Variants in PCDHA12 observed in about 807,000 individuals in gnomAD.
PCDHA12 encodes protocadherin alpha-12.
PCDHA12 carries 44 observed loss-of-function variants against 60.0 expected under a neutral mutation model. That is an observed-to-expected ratio of 0.73 (90% CI 0.58 to 0.94). The LOEUF (loss-of-function observed/expected upper bound fraction) is 0.94, where lower values mean the gene tolerates loss of function less well. Ranked by LOEUF, PCDHA12 falls within the 40% of genes least tolerant of loss-of-function variation. The pLI, the probability that PCDHA12 is intolerant of heterozygous loss-of-function variation, is 0.00. For missense variants in PCDHA12, 1,276 were observed against 1,239.7 expected (o/e 1.03, Z -0.44); for synonymous variants, 569 against 553.0 (o/e 1.03, Z -0.40).
intron 1 of PCDHA12, among the ~76,000 whole-genome samples, chr5:140,913,086 A>G (rs937964424): frequency 6.6e-6 from 1 of 152,142 alleles, no homozygotes; most frequent in Admixed American, 6.6e-5. Flanking sequence ...TGGTATCAGG[A>G]TAATACTGGC....
At chr5:140,988,556 C>A (rs574182013) in intron 3 of PCDHA12, among the ~76,000 whole-genome samples, 1 of 152,158 alleles carries the variant, frequency 6.6e-6, no homozygotes, top group South Asian at 2.1e-4. Flanking sequence ...TCTTCATCTT[C>A]TTCTTGGGAA....
chr5:140,966,470 T>C, intron 1 of PCDHA12: 1 of 431,298 alleles, frequency 2.3e-6, no homozygotes, highest in Non-Finnish European at 4.0e-6. Context: ...TCTTCCCTTC[T>C]GTTTCCTTTT....
intron 1 of PCDHA12, among the ~76,000 whole-genome samples, chr5:140,972,168 G>T (rs969968770): frequency 2.6e-5 from 4 of 152,064 alleles, no homozygotes; most frequent in African/African-American, 9.7e-5. Context: ...TTGAGACAGA[G>T]TCTTGGCCTG....
intron 1 of PCDHA12, among the ~76,000 whole-genome samples, chr5:140,917,324 C>CGGGGGGCG (rs1299895515): frequency 1.3e-5 from 1 of 76,124 alleles, no homozygotes; most frequent in Non-Finnish European, 2.9e-5. Context: ...GTTCATGTGG[C>CGGGGGGCG]GGGGGAGGGG....
intron 1 of PCDHA12, chr5:140,967,982 G>T (rs1563372383): frequency 1.9e-6 from 3 of 1,614,224 alleles, no homozygotes; most frequent in Non-Finnish European, 2.5e-6. Context: ...GGGTCTGGAG[G>T]CCACACTGCC....
chr5:140,950,959 T>C (rs969091651), intron 1 of PCDHA12, among the ~76,000 whole-genome samples: 5 of 152,120 alleles, frequency 3.3e-5, no homozygotes, highest in Non-Finnish European at 5.9e-5. Context: ...TCTATTGATC[T>C]ATTTTCAGAT....
At chr5:140,975,068 C>T (rs1273763502) in intron 1 of PCDHA12, among the ~76,000 whole-genome samples, 4 of 152,134 alleles carry the variant, frequency 2.6e-5, no homozygotes, top group African/African-American at 9.7e-5. Flanking sequence ...CGAGCTCATT[C>T]AGATTGTTGG....
chr5:140,956,701 G>T (rs549659732), intron 1 of PCDHA12, among the ~76,000 whole-genome samples: 1 of 152,138 alleles, frequency 6.6e-6, no homozygotes, highest in Non-Finnish European at 1.5e-5. Context: ...CCATTGTTTG[G>T]AATAGCTTCA....
At chr5:141,002,923 C>A (rs1261794185) in intron 3 of PCDHA12, among the ~76,000 whole-genome samples, 2 of 152,220 alleles carry the variant, frequency 1.3e-5, no homozygotes, top group Non-Finnish European at 2.9e-5. Flanking sequence ...AAAGTGAACA[C>A]CCTCCAACAC....
chr5:140,929,164 GC>G (rs781931769), intron 1 of PCDHA12: 2 of 1,614,150 alleles, frequency 1.2e-6, no homozygotes, highest in Non-Finnish European at 1.7e-6. Context: ...TCTCTATCGG[GC>G]CTCTCTGGGA....
intron 2 of PCDHA12, among the ~76,000 whole-genome samples, chr5:140,980,556 G>A (rs1355966555): frequency 6.6e-6 from 1 of 152,126 alleles, no homozygotes; most frequent in Non-Finnish European, 1.5e-5. Flanking sequence ...CTTGAACCCG[G>A]GAGGCGGAAG....
At chr5:140,935,245 T>A (rs1409133658) in intron 1 of PCDHA12, among the ~76,000 whole-genome samples, 1 of 152,200 alleles carries the variant, frequency 6.6e-6, no homozygotes, top group Non-Finnish European at 1.5e-5. Flanking sequence ...TTTTAAAAGA[T>A]AAAATACATC....
intron 1 of PCDHA12, chr5:140,883,418 C>T: frequency 6.2e-7 from 1 of 1,614,172 alleles, no homozygotes; most frequent in Non-Finnish European, 8.5e-7. Flanking sequence ...CTCAAATGGA[C>T]AGGTCACCTG....
chr5:140,892,763 C>G (rs1365366300), intron 1 of PCDHA12, among the ~76,000 whole-genome samples: 12 of 152,298 alleles, frequency 7.9e-5, no homozygotes, highest in Middle Eastern at 3.4e-3. Context: ...TTAAAATCCA[C>G]TCTTCTAGCT....
At chr5:140,906,083 A>G (rs1554192390) in intron 1 of PCDHA12, among the ~76,000 whole-genome samples, 1 of 152,146 alleles carries the variant, frequency 6.6e-6, no homozygotes, top group Non-Finnish European at 1.5e-5. Context: ...ACCCACCCAG[A>G]CTGAGAGTAA....
At chr5:140,958,343 T>C (rs904666839) in intron 1 of PCDHA12, among the ~76,000 whole-genome samples, 2 of 152,144 alleles carry the variant, frequency 1.3e-5, no homozygotes, top group African/African-American at 4.8e-5. Flanking sequence ...TCACAGGAAG[T>C]TCACAGTCTG....
chr5:140,888,355 T>C (rs1192266455), intron 1 of PCDHA12, among the ~76,000 whole-genome samples: 1 of 152,214 alleles, frequency 6.6e-6, no homozygotes, highest in Non-Finnish European at 1.5e-5. Context: ...GAATTGCTAC[T>C]GGCATCTAAT....
At chr5:140,988,294 G>A (rs2097291713) in intron 3 of PCDHA12, among the ~76,000 whole-genome samples, 1 of 152,206 alleles carries the variant, frequency 6.6e-6, no homozygotes, top group South Asian at 2.1e-4. Context: ...TGACAGCCCA[G>A]GAGTGCCAGC....
At chr5:140,943,200 G>A (rs2093432800) in intron 1 of PCDHA12, among the ~76,000 whole-genome samples, 1 of 140,910 alleles carries the variant, frequency 7.1e-6, no homozygotes, top group Non-Finnish European at 1.5e-5. Context: ...GGAGGCTGCA[G>A]TAAGCCAAGA....
Sources: gnomAD v4.1 joint callset for allele counts (sites outside exome capture counted in the v4.1 genomes callset) on GRCh38, gnomAD v4.1.1 for gene constraint, MANE v1.5 for transcripts, NCBI Gene and HGNC (gene_info 2026-07-23, HGNC 2026-07-21) for gene names.